Variants in PIP4K2A observed in about 807,000 individuals in gnomAD.
PIP4K2A encodes the protein phosphatidylinositol 5-phosphate 4-kinase type-2 alpha.
Under a neutral mutation model 42.9 loss-of-function variants are expected in PIP4K2A, and 14 were observed. The ratio of observed to expected loss-of-function variants is 0.33; its 90% CI spans 0.22 to 0.51. The LOEUF is 0.51. Ranked by LOEUF, PIP4K2A falls within the 20% of genes least tolerant of loss-of-function variation. PIP4K2A has a pLI of 0.97. For missense variants in PIP4K2A, 434 were observed against 519.8 expected, an observed-to-expected ratio of 0.83 and a Z score of 1.61; for synonymous variants, 192 against 192.2, an observed-to-expected ratio of 1.00 and a Z score of 0.01.
At position 22,707,051 on chromosome 10, in the gene PIP4K2A, G is replaced by A. The variant is rs540844776; in HGVS notation, c.144+7132C>T. Among the ~76,000 whole-genome samples, 7 of 152,238 alleles carry A rather than the reference G, an allele frequency of 4.6e-5. No homozygotes were observed. In the East Asian group the frequency reaches 1.4e-3, roughly 29 times the overall value. The stretch of plus-strand genomic sequence containing the variant: ...TATTTCCAGCACTTTGGGAGGCTGA[G>A]GTGAGAGGATTGCTTGAGGTCAGAA... On this transcript the variant is annotated intron_variant, in intron 1 of 9. Transcript: ENST00000376573.
chr10:22,713,432 G>A (rs1350049693), intron 1 of PIP4K2A, among the ~76,000 whole-genome samples: 1 of 151,928 alleles, frequency 6.6e-6, no homozygotes, highest in Non-Finnish European at 1.5e-5. Context: ...ACTTCTGCCT[G>A]ACTCCCCAAA....
At chr10:22,661,194 GCA>G (rs1564458692) in intron 1 of PIP4K2A, among the ~76,000 whole-genome samples, 2 of 152,138 alleles carry the variant, frequency 1.3e-5, no homozygotes, top group Non-Finnish European at 2.9e-5. Context: ...CAGTTGCAAA[GCA>G]CAGTGTGACA....
intron 1 of PIP4K2A, among the ~76,000 whole-genome samples, chr10:22,616,238 CG>C (rs1564444260): frequency 6.6e-6 from 1 of 152,050 alleles, no homozygotes; most frequent in Non-Finnish European, 1.5e-5. Flanking sequence ...GGGAGGAAGC[CG>C]GGGAGAGCTC....
rs1253492119 is a variant in PIP4K2A, at chr10:22,539,729, G to A, written c.1140+242C>T. ...ACAGGGAGCTGTGGTAAGAGCAGCA[G>A]TGAGCAGTAAGCGTTTGTGGGTTCT... On this transcript the variant is annotated intron_variant, in intron 9 of 9. Transcript: ENST00000376573. The A allele has an allele frequency of 1.0e-5, 5 of 500,380 alleles. No individual in the cohort carries two copies. In the Admixed American group the frequency reaches 1.4e-4, roughly 14 times the overall value. 31.0% of individuals were successfully genotyped at this position (500,380 alleles called of 1,614,324 possible).
At chr10:22,663,647 T>C (rs1416761138) in intron 1 of PIP4K2A, among the ~76,000 whole-genome samples, 2 of 152,160 alleles carry the variant, frequency 1.3e-5, no homozygotes, top group South Asian at 2.1e-4. Flanking sequence ...ATAGTCACTA[T>C]AAATGTTTTT....
chr10:22,696,988 T>C (rs1839984616), intron 1 of PIP4K2A, among the ~76,000 whole-genome samples: 1 of 152,244 alleles, frequency 6.6e-6, no homozygotes, highest in Non-Finnish European at 1.5e-5. Context: ...TAGTTAGCAC[T>C]GTCACAATAA....
At chr10:22,543,454 A>T (rs1471312160) in intron 7 of PIP4K2A, among the ~76,000 whole-genome samples, 3 of 152,234 alleles carry the variant, frequency 2.0e-5, no homozygotes, top group Non-Finnish European at 4.4e-5. Context: ...CTGTTTGTTT[A>T]AAAATAGAGG....
intron 1 of PIP4K2A, among the ~76,000 whole-genome samples, chr10:22,654,913 C>T (rs954624953): frequency 2.0e-5 from 3 of 152,042 alleles, no homozygotes; most frequent in African/African-American, 2.4e-5. Flanking sequence ...TGGGGCTTTA[C>T]CCAAGGAAAA....
chr10:22,618,699 C>T (rs1838243928), intron 1 of PIP4K2A, among the ~76,000 whole-genome samples: 2 of 152,178 alleles, frequency 1.3e-5, no homozygotes, highest in Non-Finnish European at 2.9e-5. Context: ...GAGGGCTTGG[C>T]TGGGAGCTGA....
At position 22,562,552 on chromosome 10, in the gene PIP4K2A, A is replaced by G. The variant is rs144624142; in HGVS notation, c.678+5299T>C. On this transcript the variant is annotated intron_variant, in intron 6 of 9. Coordinates refer to ENST00000376573, the MANE Select transcript of PIP4K2A (RefSeq NM_005028.5). ...TGACAGAGCGAGACTCCGTCTCGAA[A>G]AAAAACAAAACAGTTTGGCTCTATT... Among the ~76,000 whole-genome samples, 783 of 152,352 alleles carry G rather than the reference A, an allele frequency of 5.1e-3. 9 individuals carry two copies. The highest frequency in any genetic ancestry group is 0.017 in the African/African-American group (708 of 41,574).
rs66781717 is a variant in PIP4K2A at position 22,664,154 on chromosome 10, CATAT to C, written c.144+50025_144+50028del. On this transcript the variant is annotated intron_variant, in intron 1 of 9. Coordinates refer to ENST00000376573, the MANE Select transcript of PIP4K2A (RefSeq NM_005028.5). ...ACATATATATATACATATATATACA[CATAT>C]ATATATATACATATATATATATACA... Among the ~76,000 whole-genome samples, 6 of 62,280 alleles carry C rather than the reference CATAT, an allele frequency of 9.6e-5. 1 individual carries two copies. Among genetic ancestry groups the C allele is most frequent in the South Asian group, 3.8e-4 (1 of 2,628 alleles). 40.9% of individuals were successfully genotyped at this position (62,280 alleles called of 152,430 possible). A position where few individuals can be genotyped will look rare whatever the true frequency, so the allele number is the denominator to read the frequency against.
intron 1 of PIP4K2A, among the ~76,000 whole-genome samples, chr10:22,645,691 T>C (rs114960699): frequency 0.016 from 2,475 of 151,636 alleles, 70 homozygotes; most frequent in African/African-American, 0.056. Flanking sequence ...ACTTAATTTT[T>C]TTTTTTTTTT....
chr10:22,564,372 A>T (rs1313635701), intron 6 of PIP4K2A, among the ~76,000 whole-genome samples: 2 of 152,330 alleles, frequency 1.3e-5, no homozygotes, highest in Middle Eastern at 3.4e-3. Flanking sequence ...AATCAAAATG[A>T]ATGAAGGAAA....
At chr10:22,546,305 G>A (rs977061736) in intron 7 of PIP4K2A, among the ~76,000 whole-genome samples, 4 of 152,178 alleles carry the variant, frequency 2.6e-5, no homozygotes, top group African/African-American at 9.7e-5. Flanking sequence ...TATGGTAGAA[G>A]TCTTTTTTTA....
intron 1 of PIP4K2A, among the ~76,000 whole-genome samples, chr10:22,686,071 A>C (rs1478083303): frequency 1.3e-5 from 2 of 152,232 alleles, no homozygotes; most frequent in African/African-American, 2.4e-5. Flanking sequence ...AACTTCCGAC[A>C]GTGCCCATGG....
At chr10:22,573,552 T>G in intron 4 of PIP4K2A, 95 bp from the exon 5 acceptor site, 1 of 1,093,594 alleles carries the variant, frequency 9.1e-7, no homozygotes, top group Non-Finnish European at 1.3e-6. Flanking sequence ...TCATACAAAG[T>G]GAAAACCTCC....
chr10:22,536,949 A>C lies in PIP4K2A; in HGVS notation c.*252T>G. Reference sequence around the variant, plus strand: ...TGACTTTTAAAATGCACACGCGCGCACACACTCACCCCCCCCCAACACACA... The same window carrying C: ...TGACTTTTAAAATGCACACGCGCGCCCACACTCACCCCCCCCCAACACACA... On this transcript the variant is annotated 3_prime_UTR_variant, in exon 10 of 10. Transcript: ENST00000376573. The C allele has an allele frequency of 2.6e-6, 1 of 384,318 alleles. No homozygotes were observed. The highest frequency in any genetic ancestry group is 4.3e-5 in the East Asian group (1 of 23,414). 23.8% of individuals were successfully genotyped at this position (384,318 alleles called of 1,614,324 possible). A position where few individuals can be genotyped will look rare whatever the true frequency, so the allele number is the denominator to read the frequency against.
intron 1 of PIP4K2A, among the ~76,000 whole-genome samples, chr10:22,615,828 C>A (rs1363302098): frequency 6.6e-6 from 1 of 152,220 alleles, no homozygotes; most frequent in Non-Finnish European, 1.5e-5. Flanking sequence ...TCTCTCTGTA[C>A]TGCTGGTCAC....
chr10:22,693,376 T>A (rs1319605819), intron 1 of PIP4K2A, among the ~76,000 whole-genome samples: 2 of 152,168 alleles, frequency 1.3e-5, no homozygotes, highest in Non-Finnish European at 2.9e-5. Flanking sequence ...CATACAAGGA[T>A]TTCACCATCA....
Sources: gnomAD v4.1 joint callset for allele counts (sites outside exome capture counted in the v4.1 genomes callset) on GRCh38, gnomAD v4.1.1 for gene constraint, MANE v1.5 for transcripts, NCBI Gene and HGNC (gene_info 2026-07-23, HGNC 2026-07-21) for gene names.